The following ADGRB3 variants were observed in gnomAD, a reference collection of about 807,000 sequenced individuals.
The protein encoded by ADGRB3 is brain-specific angiogenesis inhibitor 3.
Under a neutral mutation model 193.4 loss-of-function variants are expected in ADGRB3, and 37 were observed. The observed-to-expected ratio is 0.19, with a 90% CI of 0.15 to 0.25. ADGRB3 has a LOEUF of 0.25. ADGRB3 is among the 10% of genes least tolerant of loss of function. ADGRB3 has a pLI of 1.00. For missense variants in ADGRB3, 1,637 were observed against 1,852.9 expected, an observed-to-expected ratio of 0.88 and a Z score of 2.14; for synonymous variants, 690 against 644.2, an observed-to-expected ratio of 1.07 and a Z score of -1.08.
chr6:69,081,559 T>C (rs1043413767), intron 17 of ADGRB3, among the ~76,000 whole-genome samples: 1 of 151,978 alleles, frequency 6.6e-6, no homozygotes, highest in Admixed American at 6.5e-5. Context: ...TACTTTTTGC[T>C]TTTCTGTTTA....
intron 3 of ADGRB3, among the ~76,000 whole-genome samples, chr6:68,657,990 A>G (rs1226170533): frequency 6.6e-6 from 1 of 151,432 alleles, no homozygotes; most frequent in Non-Finnish European, 1.5e-5. Context: ...GAGAATTCAA[A>G]TGGAACAAAC....
At chr6:68,890,724 G>T (rs1252845183) in intron 3 of ADGRB3, among the ~76,000 whole-genome samples, 1 of 152,096 alleles carries the variant, frequency 6.6e-6, no homozygotes, top group East Asian at 1.9e-4. Flanking sequence ...CAGAGAGAGA[G>T]ATTTTTAAAA....
At chr6:69,148,583 G>A (rs1347993084) in intron 17 of ADGRB3, among the ~76,000 whole-genome samples, 3 of 152,038 alleles carry the variant, frequency 2.0e-5, no homozygotes, top group African/African-American at 7.2e-5. Context: ...CAGTTACTGT[G>A]TTGTAAGATT....
At chr6:69,217,746 T>C (rs1166362666) in intron 17 of ADGRB3, among the ~76,000 whole-genome samples, 1 of 152,204 alleles carries the variant, frequency 6.6e-6, no homozygotes, top group Non-Finnish European at 1.5e-5. Context: ...AACCCTGATT[T>C]GCTTCTCTTC....
At chr6:68,872,086 T>C (rs1765476632) in intron 3 of ADGRB3, among the ~76,000 whole-genome samples, 2 of 152,138 alleles carry the variant, frequency 1.3e-5, no homozygotes, top group South Asian at 4.1e-4. Context: ...ATAAATAAAG[T>C]GTGTAAACAG....
At chr6:68,984,525 G>A (rs574838836) in intron 10 of ADGRB3, among the ~76,000 whole-genome samples, 31 of 152,252 alleles carry the variant, frequency 2.0e-4, no homozygotes, top group African/African-American at 7.5e-4. Context: ...GTAAAAAATG[G>A]TTGTGTATTT....
At chr6:69,285,313 C>T (rs925096083) in intron 20 of ADGRB3, among the ~76,000 whole-genome samples, 11 of 152,200 alleles carry the variant, frequency 7.2e-5, no homozygotes, top group African/African-American at 2.7e-4. Flanking sequence ...ACAAACCTGG[C>T]TCACTGCAAC....
chr6:69,221,286 G>A (rs1349382432), intron 17 of ADGRB3, among the ~76,000 whole-genome samples: 1 of 151,998 alleles, frequency 6.6e-6, no homozygotes, highest in Non-Finnish European at 1.5e-5. Flanking sequence ...ATATCAACTT[G>A]CACTGTATTT....
intron 3 of ADGRB3, among the ~76,000 whole-genome samples, chr6:68,914,734 G>T (rs1766828046): frequency 6.6e-6 from 1 of 152,132 alleles, no homozygotes; most frequent in Non-Finnish European, 1.5e-5. Context: ...AATTTCAAAG[G>T]TATGTGGTTG....
intron 17 of ADGRB3, among the ~76,000 whole-genome samples, chr6:69,117,789 T>G (rs565553858): frequency 1.3e-5 from 2 of 152,310 alleles, no homozygotes; most frequent in East Asian, 3.9e-4. Flanking sequence ...AAATTAAGTT[T>G]TGGAGCTTAT....
At chr6:68,677,243 A>G (rs1582116938) in intron 3 of ADGRB3, among the ~76,000 whole-genome samples, 1 of 152,204 alleles carries the variant, frequency 6.6e-6, no homozygotes, top group Non-Finnish European at 1.5e-5. Flanking sequence ...CATGCTGCAT[A>G]TGGTTTTCTT....
At chr6:69,118,293 G>T (rs1433767292) in intron 17 of ADGRB3, among the ~76,000 whole-genome samples, 1 of 152,036 alleles carries the variant, frequency 6.6e-6, no homozygotes, top group Non-Finnish European at 1.5e-5. Flanking sequence ...CTGGTATTTT[G>T]TTGTTGTCAG....
At chr6:69,233,460 A>T (rs1582565075) in intron 18 of ADGRB3, 44 bp downstream of exon 18, 1 of 1,611,068 alleles carries the variant, frequency 6.2e-7, no homozygotes, top group Admixed American at 1.7e-5. Context: ...AAAGACAGGG[A>T]TATTGTGGCT....
Position 68,975,643 on chromosome 6 carries a change from T to C in ADGRB3, c.1734+303T>C, listed in dbSNP as rs73745905. Among the ~76,000 whole-genome samples the C allele has an allele frequency of 6.0e-3, 919 of 152,324 alleles. 10 individuals carry two copies. The highest frequency in any genetic ancestry group is 0.02 in the African/African-American group (840 of 41,576). On this transcript the variant is annotated intron_variant, in intron 10 of 31. Coordinates refer to ENST00000370598, the MANE Select transcript of ADGRB3 (RefSeq NM_001704.3). ...CTATAAAAGTTAAACATATGCATTA[T>C]GGTTGGCTTAAGTCTGTGTTAAATA...
chr6:69,152,089 T>G (rs773659325), intron 17 of ADGRB3, among the ~76,000 whole-genome samples: 2 of 152,226 alleles, frequency 1.3e-5, no homozygotes, highest in Non-Finnish European at 2.9e-5. Flanking sequence ...ACCTCTTTCC[T>G]TTATAAATTA....
chr6:69,264,399 C>T (rs1032466220), intron 20 of ADGRB3, among the ~76,000 whole-genome samples: 1 of 151,826 alleles, frequency 6.6e-6, no homozygotes, highest in Non-Finnish European at 1.5e-5. Context: ...TTTCTAATTC[C>T]TCCTCTGGTT....
chr6:69,121,633 G>T (rs1354043992), intron 17 of ADGRB3, among the ~76,000 whole-genome samples: 1 of 149,270 alleles, frequency 6.7e-6, no homozygotes, highest in Non-Finnish European at 1.5e-5. Context: ...TGGGGCAGCG[G>T]GACAGAGGCA....
At chr6:69,098,358 A>G (rs1336877917) in intron 17 of ADGRB3, among the ~76,000 whole-genome samples, 2 of 152,206 alleles carry the variant, frequency 1.3e-5, no homozygotes, top group Non-Finnish European at 2.9e-5. Flanking sequence ...TGAGCTATAA[A>G]CTTATTATGT....
At chr6:68,905,825 A>C (rs1179873627) in intron 3 of ADGRB3, among the ~76,000 whole-genome samples, 1 of 152,088 alleles carries the variant, frequency 6.6e-6, no homozygotes, top group Non-Finnish European at 1.5e-5. Context: ...CTCTTCTTTC[A>C]TAGGGTTGTA....
Sources: gnomAD v4.1 joint callset for allele counts (sites outside exome capture counted in the v4.1 genomes callset) on GRCh38, gnomAD v4.1.1 for gene constraint, MANE v1.5 for transcripts, NCBI Gene and HGNC (gene_info 2026-07-23, HGNC 2026-07-21) for gene names.